The following CNTNAP2 variants were observed in gnomAD, a reference collection of about 807,000 sequenced individuals.
The protein encoded by CNTNAP2 is contactin associated protein 2.
Under a neutral mutation model 155.2 loss-of-function variants are expected in CNTNAP2, and 98 were observed. The ratio of observed to expected loss-of-function variants is 0.63; its 90% CI spans 0.54 to 0.75. The LOEUF is 0.75. CNTNAP2 is among the 30% of genes least tolerant of loss of function. The pLI, the probability that CNTNAP2 is intolerant of heterozygous loss-of-function variation, is 0.00. For missense variants in CNTNAP2, 1,727 were observed against 1,688.1 expected (o/e 1.02, Z -0.40); for synonymous variants, 651 against 631.2 (o/e 1.03, Z -0.47).
At chr7:146,977,802 C>A (rs140641976) in intron 3 of CNTNAP2, among the ~76,000 whole-genome samples, 1 of 152,254 alleles carries the variant, frequency 6.6e-6, no homozygotes, top group East Asian at 1.9e-4. Context: ...TTTGCGCTGT[C>A]TGAGTTTTAG....
intron 15 of CNTNAP2, chr7:148,014,134 G>A (rs1232913324): frequency 2.0e-5 from 3 of 152,004 alleles, no homozygotes; most frequent in African/African-American, 7.3e-5. Flanking sequence ...ATGGGAAACC[G>A]AGCTCTGAAT....
intron 13 of CNTNAP2, among the ~76,000 whole-genome samples, chr7:147,643,868 C>T (rs1359251589): frequency 6.6e-6 from 1 of 152,000 alleles, no homozygotes; most frequent in African/African-American, 2.4e-5. Context: ...TCTTTTATAC[C>T]ATACCATTAG....
chr7:147,066,248 G>A (rs77160704), intron 4 of CNTNAP2, among the ~76,000 whole-genome samples: 3,955 of 152,182 alleles, frequency 0.026, 129 homozygotes, highest in African/African-American at 0.082. Flanking sequence ...TCAGCAGATC[G>A]TCGTCAGTTC....
intron 13 of CNTNAP2, among the ~76,000 whole-genome samples, chr7:147,732,966 T>C (rs1268815706): frequency 2.0e-5 from 3 of 152,222 alleles, no homozygotes; most frequent in African/African-American, 7.2e-5. Context: ...TGCAAAAATT[T>C]TCTCCCATTG....
intron 1 of CNTNAP2, among the ~76,000 whole-genome samples, chr7:146,670,533 AT>A (rs1800284831): frequency 6.6e-6 from 1 of 152,212 alleles, no homozygotes; most frequent in Non-Finnish European, 1.5e-5. Context: ...GGATTAAAAA[AT>A]ATACTTTAAC....
chr7:146,435,623 G>T (rs1489486227), intron 1 of CNTNAP2, among the ~76,000 whole-genome samples: 2 of 152,158 alleles, frequency 1.3e-5, no homozygotes, highest in Non-Finnish European at 2.9e-5. Context: ...AGATGTTTGG[G>T]AGTATAAATC....
At chr7:146,136,059 ACATT>A (rs761071272) in intron 1 of CNTNAP2, among the ~76,000 whole-genome samples, 7 of 152,204 alleles carry the variant, frequency 4.6e-5, no homozygotes, top group Non-Finnish European at 1.0e-4. Flanking sequence ...TGTAAAGCAC[ACATT>A]CATTTACTAA....
At chr7:146,150,139 G>C (rs1232379531) in intron 1 of CNTNAP2, among the ~76,000 whole-genome samples, 1 of 152,062 alleles carries the variant, frequency 6.6e-6, no homozygotes, top group East Asian at 1.9e-4. Context: ...ATAAATGTCT[G>C]ATAAGCACAA....
intron 1 of CNTNAP2, among the ~76,000 whole-genome samples, chr7:146,677,929 C>G (rs117160805): frequency 1.3e-5 from 2 of 152,000 alleles, no homozygotes; most frequent in East Asian, 3.9e-4. Context: ...TGATGTCCCA[C>G]GCTCATATCT....
At chr7:147,320,400 A>G (rs1010484313) in intron 9 of CNTNAP2, among the ~76,000 whole-genome samples, 22 of 152,306 alleles carry the variant, frequency 1.4e-4, no homozygotes, top group African/African-American at 4.3e-4. Flanking sequence ...TACTGAAAAG[A>G]TCATGAAAAC....
At chr7:147,820,408 C>T (rs774169137) in intron 13 of CNTNAP2, among the ~76,000 whole-genome samples, 12 of 151,916 alleles carry the variant, frequency 7.9e-5, no homozygotes, top group Non-Finnish European at 1.3e-4. Context: ...GAATCTAAGT[C>T]CTTTGAGATA....
intron 8 of CNTNAP2, among the ~76,000 whole-genome samples, chr7:147,267,474 C>A (rs758850492): frequency 6.6e-6 from 1 of 152,034 alleles, no homozygotes; most frequent in Non-Finnish European, 1.5e-5. Context: ...GTTTTTGGTA[C>A]GCATCCTTCC....
chr7:146,394,066 G>T (rs1795585199), intron 1 of CNTNAP2, among the ~76,000 whole-genome samples: 1 of 152,130 alleles, frequency 6.6e-6, no homozygotes, highest in Non-Finnish European at 1.5e-5. Flanking sequence ...GTTGATAGAT[G>T]TGTATGAAGC....
At chr7:147,844,720 T>A (rs1209633573) in intron 13 of CNTNAP2, among the ~76,000 whole-genome samples, 863 of 72,384 alleles carry the variant, frequency 0.012, 19 homozygotes, top group African/African-American at 0.044. Context: ...AGTATGATAT[T>A]GGCTGTGGGT....
intron 3 of CNTNAP2, among the ~76,000 whole-genome samples, chr7:146,860,454 G>A (rs1795075602): frequency 1.3e-5 from 2 of 152,136 alleles, no homozygotes; most frequent in South Asian, 4.1e-4. Context: ...TCCATTGACA[G>A]AGATCCTGCT....
chr7:146,171,333 T>C (rs984929230), intron 1 of CNTNAP2, among the ~76,000 whole-genome samples: 2 of 152,168 alleles, frequency 1.3e-5, no homozygotes, highest in African/African-American at 4.8e-5. Context: ...TTTAATTGTA[T>C]TTCTTTGAGC....
At chr7:147,224,061 G>GT (rs1803468454) in intron 8 of CNTNAP2, among the ~76,000 whole-genome samples, 5 of 150,868 alleles carry the variant, frequency 3.3e-5, no homozygotes, top group Non-Finnish European at 7.4e-5. Flanking sequence ...GCCAGCGCTT[G>GT]TTCCCATAGA....
intron 13 of CNTNAP2, among the ~76,000 whole-genome samples, chr7:147,681,498 C>T (rs1308823703): frequency 2.0e-5 from 3 of 151,852 alleles, no homozygotes; most frequent in Non-Finnish European, 4.4e-5. Flanking sequence ...CTTCTCTTCC[C>T]AGTGGGTCTT....
intron 8 of CNTNAP2, among the ~76,000 whole-genome samples, chr7:147,220,265 C>T (rs1803365048): frequency 1.3e-5 from 2 of 152,046 alleles, no homozygotes; most frequent in South Asian, 4.1e-4. Context: ...GCTTTGAAAC[C>T]TACTCTGTCT....
Sources: allele counts gnomAD v4.1 joint callset (sites outside exome capture counted in the v4.1 genomes callset), GRCh38; gene constraint gnomAD v4.1.1; transcripts MANE v1.5; gene names NCBI Gene and HGNC (gene_info 2026-07-23, HGNC 2026-07-21).